The following HPF1 variants were observed in gnomAD, a reference collection of about 807,000 sequenced individuals.
HPF1 encodes UPF0609 protein C4orf27.
HPF1 carries 35 observed loss-of-function variants against 38.8 expected under a neutral mutation model. That is an observed-to-expected ratio of 0.90 (90% confidence interval 0.69 to 1.19). The LOEUF is 1.19. Among genes scored for constraint, HPF1 ranks in the 50% most tolerant of loss-of-function variants. The pLI is 0.00. For missense variants in HPF1, 367 were observed against 405.8 expected (o/e 0.90, Z 0.82); for synonymous variants, 115 against 139.2 (o/e 0.83, Z 1.22).
intron 4 of HPF1, among the ~76,000 whole-genome samples, chr4:169,745,196 C>T (rs1308659248): frequency 1.3e-5 from 2 of 152,190 alleles, no homozygotes; most frequent in Non-Finnish European, 2.9e-5. Context: ...CCCTTGAAGT[C>T]GGAAGAGGCC....
intron 2 of HPF1, among the ~76,000 whole-genome samples, chr4:169,751,401 TCA>T (rs1553979428): frequency 1.0e-5 from 1 of 97,382 alleles, no homozygotes. Flanking sequence ...AGGCTCTGTC[TCA>T]AAAAAAAAAA....
At chr4:169,740,241 A>C (rs576129416) in intron 5 of HPF1, among the ~76,000 whole-genome samples, 1 of 152,312 alleles carries the variant, frequency 6.6e-6, no homozygotes, top group Non-Finnish European at 1.5e-5. Context: ...GGAAAATATG[A>C]AGTTGGGTTT....
intron 1 of HPF1, 111 bp downstream of exon 1, chr4:169,757,718 TG>T: frequency 9.2e-7 from 1 of 1,085,640 alleles, no homozygotes; most frequent in Non-Finnish European, 1.4e-6. Flanking sequence ...CCGCAGCCCC[TG>T]GACACACAGC....
chr4:169,751,704 T>A (rs1185436851), intron 2 of HPF1, among the ~76,000 whole-genome samples: 1 of 152,110 alleles, frequency 6.6e-6, no homozygotes, highest in Non-Finnish European at 1.5e-5. Context: ...AACAAAAAAA[T>A]TCCTGGAAGA....
At chr4:169,745,082 A>G (rs1489165192) in intron 4 of HPF1, among the ~76,000 whole-genome samples, 3 of 152,180 alleles carry the variant, frequency 2.0e-5, no homozygotes, top group Admixed American at 6.5e-5. Flanking sequence ...TCACTCGCCA[A>G]TTTCAGAGTA....
chr4:169,756,781 C>T (rs1734193303), intron 1 of HPF1, among the ~76,000 whole-genome samples: 1 of 152,240 alleles, frequency 6.6e-6, no homozygotes, highest in South Asian at 2.1e-4. Flanking sequence ...TCCACCAAAG[C>T]AGTTCTTCAC....
At chr4:169,744,274 G>A (rs1232418289) in intron 4 of HPF1, among the ~76,000 whole-genome samples, 1 of 152,054 alleles carries the variant, frequency 6.6e-6, no homozygotes, top group African/African-American at 2.4e-5. Context: ...TAAGTTCTTA[G>A]GCATCCATCA....
chr4:169,748,486 T>G (rs1178876795), intron 4 of HPF1, among the ~76,000 whole-genome samples: 1 of 152,088 alleles, frequency 6.6e-6, no homozygotes, highest in Non-Finnish European at 1.5e-5. Flanking sequence ...TTCTCCTGAC[T>G]CAGCCTCCTG....
At chr4:169,740,732 AT>A (rs1457237727) in intron 5 of HPF1, among the ~76,000 whole-genome samples, 1 of 152,196 alleles carries the variant, frequency 6.6e-6, no homozygotes, top group Non-Finnish European at 1.5e-5. Flanking sequence ...ATGAAACTTC[AT>A]AGGGGAGGGG....
intron 5 of HPF1, among the ~76,000 whole-genome samples, chr4:169,741,755 A>C (rs1198453993): frequency 6.6e-6 from 1 of 152,238 alleles, no homozygotes; most frequent in Non-Finnish European, 1.5e-5. Flanking sequence ...CAATTCAATC[A>C]GTGTACCAAC....
intron 2 of HPF1, among the ~76,000 whole-genome samples, chr4:169,752,443 C>G (rs1734131904): frequency 6.6e-6 from 1 of 152,062 alleles, no homozygotes; most frequent in Non-Finnish European, 1.5e-5. Flanking sequence ...TATGACAGTG[C>G]CTACTAGTTA....
chr4:169,738,890 C>CA (rs936060650), intron 5 of HPF1, among the ~76,000 whole-genome samples: 15 of 146,854 alleles, frequency 1.0e-4, no homozygotes, highest in African/African-American at 2.8e-4. Flanking sequence ...ACCACAAGGA[C>CA]AAAAAACCAA....
intron 4 of HPF1, among the ~76,000 whole-genome samples, chr4:169,746,433 T>C (rs1734048057): frequency 6.6e-6 from 1 of 152,174 alleles, no homozygotes; most frequent in African/African-American, 2.4e-5. Flanking sequence ...TTAAACATTT[T>C]TCAAACTGCT....
intron 4 of HPF1, among the ~76,000 whole-genome samples, chr4:169,745,368 C>T (rs527785884): frequency 6.6e-6 from 1 of 152,286 alleles, no homozygotes; most frequent in South Asian, 2.1e-4. Flanking sequence ...GGTCAAAGCA[C>T]CCCCAAGAGT....
intron 2 of HPF1, among the ~76,000 whole-genome samples, chr4:169,752,473 T>A (rs17055120): frequency 0.021 from 3,214 of 152,222 alleles, 109 homozygotes; most frequent in African/African-American, 0.074. Flanking sequence ...AATAGTATAG[T>A]GCAAAGTAAT....
chr4:169,731,605 T>C lies in HPF1; in HGVS notation c.909+99A>G, dbSNP rs1361109565. On this transcript the variant is annotated intron_variant, in intron 7 of 7. Coordinates refer to ENST00000393381, the MANE Select transcript of HPF1 (RefSeq NM_017867.3). ...TCCCTGTCTTACCTCTGCTGGAATT[T>C]GGGGGTATAAATGTGCACGTATTCA... The C allele has an allele frequency of 2.1e-5, 18 of 851,954 alleles. No homozygotes were observed. In the Admixed American group the frequency reaches 5.2e-4, roughly 25 times the overall value. 52.8% of individuals were successfully genotyped at this position (851,954 alleles called of 1,614,324 possible).
rs150926287 is a variant in HPF1, at chr4:169,747,788, T to C, written c.497+956A>G. 2.8e-3 allele frequency among the ~76,000 whole-genome samples: 434 copies of C among 152,296 alleles called. 2 individuals carry two copies. Among genetic ancestry groups the C allele is most frequent in the Non-Finnish European group, 4.4e-3 (302 of 68,012 alleles). On this transcript the variant is annotated intron_variant, in intron 4 of 7. Coordinates refer to ENST00000393381, the MANE Select transcript of HPF1 (RefSeq NM_017867.3). ...TCTCAGAGGCAGAAGAGATACCACA[T>C]GGAGGCTGTGCTTCCACGATCTCCA...
At chr4:169,742,210 A>T in intron 4 of HPF1, 103 bp from the exon 5 acceptor site, 1 of 889,116 alleles carries the variant, frequency 1.1e-6, no homozygotes, top group Non-Finnish European at 1.7e-6. Flanking sequence ...TCCATACAAG[A>T]ATAAGTCCAC....
Position 169,737,850 on chromosome 4 carries a change from T to C in HPF1, c.649-103A>G, listed in dbSNP as rs1349334122. On this transcript the variant is annotated intron_variant, in intron 5 of 7. Coordinates refer to ENST00000393381, the MANE Select transcript of HPF1 (RefSeq NM_017867.3). The stretch of plus-strand genomic sequence containing the variant: ...CAACATTTCTGCCAAAATGTAACAT[T>C]TAATCACATTTTATTTCAGTAAATT... 3 of 747,402 alleles carry C rather than the reference T, an allele frequency of 4.0e-6. No individual in the cohort carries two copies. In the African/African-American group the frequency reaches 5.3e-5, roughly 13 times the overall value. 46.3% of individuals were successfully genotyped at this position (747,402 alleles called of 1,614,324 possible). A position where few individuals can be genotyped will look rare whatever the true frequency, so the allele number is the denominator to read the frequency against.
Sources: allele counts gnomAD v4.1 joint callset (sites outside exome capture counted in the v4.1 genomes callset), GRCh38; gene constraint gnomAD v4.1.1; transcripts MANE v1.5; gene names NCBI Gene and HGNC (gene_info 2026-07-23, HGNC 2026-07-21).